Variants in ATP6V0A2 observed in about 807,000 individuals in gnomAD.
The protein encoded by ATP6V0A2 is V-type proton ATPase 116 kDa subunit a 2.
Under a neutral mutation model 104.4 loss-of-function variants are expected in ATP6V0A2, and 58 were observed. That is an observed-to-expected ratio of 0.56 (90% confidence interval 0.45 to 0.69). The LOEUF (loss-of-function observed/expected upper bound fraction) is 0.69. Among genes scored for constraint, ATP6V0A2 ranks in the 30% least tolerant of loss-of-function variants. The pLI, the probability that ATP6V0A2 is intolerant of heterozygous loss-of-function variation, is 0.00. For missense variants in ATP6V0A2, 938 were observed against 1,062.9 expected (o/e 0.88, Z 1.63); for synonymous variants, 376 against 397.9 (o/e 0.95, Z 0.65).
rs1413860725 is a variant in ATP6V0A2, at chr12:123,712,691, C to A, written c.117+9C>A. On this transcript the variant is annotated intron_variant, in intron 1 of 19. Transcript: ENST00000330342. ...TGGTCCAGTTCCGAGACGTGAGTGTCGCCCGGGAGACGCGGGCCGCACCTG... is the reference window on the plus strand; with the variant it reads ...TGGTCCAGTTCCGAGACGTGAGTGTAGCCCGGGAGACGCGGGCCGCACCTG... 4.4e-6 allele frequency: 7 copies of A among 1,604,920 alleles called. No individual in the cohort carries two copies. The highest frequency in any genetic ancestry group is 2.2e-5 in the East Asian group (1 of 44,712).
At chr12:123,721,026 C>A (rs1299532509) in intron 2 of ATP6V0A2, among the ~76,000 whole-genome samples, 3 of 152,148 alleles carry the variant, frequency 2.0e-5, no homozygotes, top group Admixed American at 6.5e-5. Flanking sequence ...CTGCCTCTCT[C>A]CCTCTGTAAA....
At chr12:123,746,308 T>C (rs962101086) in intron 13 of ATP6V0A2, among the ~76,000 whole-genome samples, 2 of 152,052 alleles carry the variant, frequency 1.3e-5, no homozygotes, top group Non-Finnish European at 2.9e-5. Context: ...CCAATGTGTG[T>C]ACGTTATACA....
In ATP6V0A2 at chr12:123,752,292, A is replaced by G; in HGVS notation, c.2065A>G (p.Thr689Ala). The change falls in exon 17 of 20, where the codon ACA (threonine) becomes GCA (alanine). Residue 689 changes from threonine to alanine, a missense_variant. Physicochemically the swap from Thr to Ala is moderately conservative, Grantham distance 58 (BLOSUM62 0). Coordinates refer to ENST00000330342, the MANE Select transcript of ATP6V0A2 (RefSeq NM_012463.4). ...SCFGVNRSGYTLIRKDSEEEV... is the reference protein window; with the variant it reads ...SCFGVNRSGYALIRKDSEEEV... Reference sequence around the variant, plus strand: ...CTCTTTTGGTTGTTAGAGTGGCTACACACTTATAAGGAAAGATAGTGAGGA... The same window carrying G: ...CTCTTTTGGTTGTTAGAGTGGCTACGCACTTATAAGGAAAGATAGTGAGGA... The G allele has an allele frequency of 6.2e-7, 1 of 1,614,192 alleles. No homozygotes were observed. The highest frequency in any genetic ancestry group is 8.5e-7 in the Non-Finnish European group (1 of 1,180,032).
At chr12:123,729,226 C>T (rs1204800965) in intron 6 of ATP6V0A2, among the ~76,000 whole-genome samples, 1 of 151,262 alleles carries the variant, frequency 6.6e-6, no homozygotes, top group East Asian at 1.9e-4. Context: ...ATGTTCCCAT[C>T]ACTTTTTGAG....
intron 8 of ATP6V0A2, 59 bp from the exon 9 acceptor site, chr12:123,737,000 A>G: frequency 1.3e-6 from 2 of 1,535,150 alleles, no homozygotes; most frequent in Non-Finnish European, 1.8e-6. Flanking sequence ...GTCGGGTGCC[A>G]GGTGGACAGA....
At chr12:123,716,605 A>C (rs1956341878) in intron 1 of ATP6V0A2, among the ~76,000 whole-genome samples, 1 of 151,970 alleles carries the variant, frequency 6.6e-6, no homozygotes, top group Admixed American at 6.6e-5. Flanking sequence ...AGCCTGAACA[A>C]CATGGCGAAA....
intron 19 of ATP6V0A2, 99 bp from the exon 20 acceptor site, chr12:123,757,828 A>G: frequency 1.3e-6 from 1 of 787,714 alleles, no homozygotes; most frequent in Non-Finnish European, 2.0e-6. Flanking sequence ...GGAATGAAGC[A>G]ATTTCAGCAC....
intron 7 of ATP6V0A2, among the ~76,000 whole-genome samples, chr12:123,735,142 C>CATGTGTGT (rs1555297418): frequency 2.7e-5 from 4 of 148,392 alleles, no homozygotes; most frequent in Non-Finnish European, 6.0e-5. Context: ...CTTTTGTTTT[C>CATGTGTGT]GTGTGTGTGT....
Position 123,712,486 on chromosome 12 carries a change from G to T in ATP6V0A2, c.-80G>T. Reference sequence around the variant, plus strand: ...ACAGGAAGAGCTCGAGGCCCGGGCCGCACCGGCTGAGTGTGCGGGCCCGCG... The same window carrying T: ...ACAGGAAGAGCTCGAGGCCCGGGCCTCACCGGCTGAGTGTGCGGGCCCGCG... On this transcript the variant is annotated 5_prime_UTR_variant, in exon 1 of 20. Transcript: ENST00000330342. 1 of 914,878 alleles carries T rather than the reference G, an allele frequency of 1.1e-6. No homozygotes were observed. The allele number at this position is 914,878 out of a possible 1,614,324, so 56.7% of individuals were successfully genotyped here. A position where few individuals can be genotyped will look rare whatever the true frequency, so the allele number is the denominator to read the frequency against.
intron 9 of ATP6V0A2, 119 bp downstream of exon 9, chr12:123,737,390 C>G (rs1401701760): frequency 1.0e-6 from 1 of 972,174 alleles, no homozygotes; most frequent in Admixed American, 2.0e-5. Flanking sequence ...TGTGTTGACT[C>G]TTCTTTTGTT....
chr12:123,712,962 G>A (rs1956307164), intron 1 of ATP6V0A2, among the ~76,000 whole-genome samples: 2 of 152,182 alleles, frequency 1.3e-5, no homozygotes, highest in Non-Finnish European at 1.5e-5. Context: ...AGCTCAGCGG[G>A]AGAACAAATC....
chr12:123,730,334 C>T (rs1426663809), intron 6 of ATP6V0A2, among the ~76,000 whole-genome samples: 1 of 151,986 alleles, frequency 6.6e-6, no homozygotes, highest in African/African-American at 2.4e-5. Flanking sequence ...GGATTACAGG[C>T]GTGAGCCACC....
chr12:123,739,488 T>C (rs1956587629), intron 9 of ATP6V0A2, among the ~76,000 whole-genome samples: 1 of 152,118 alleles, frequency 6.6e-6, no homozygotes, highest in South Asian at 2.1e-4. Context: ...TTTTTTTCTG[T>C]CGCCAAGATT....
rs1956784537 is a variant in ATP6V0A2, at chr12:123,758,516, AT to A, written c.*485del. On this transcript the variant is annotated 3_prime_UTR_variant, in exon 20 of 20. Coordinates refer to ENST00000330342, the MANE Select transcript of ATP6V0A2 (RefSeq NM_012463.4). ...CACATTTATTCTGCTGGATTTAAAA[AT>A]ATGTACTTTTTTTTTTTTTTTGAGA... 1 of 152,460 alleles carries A rather than the reference AT, an allele frequency of 6.6e-6. No individual in the cohort carries two copies. Among genetic ancestry groups the A allele is most frequent in the South Asian group, 2.1e-4 (1 of 4,842 alleles). The allele number at this position is 152,460 out of a possible 1,614,324, so 9.4% of individuals were successfully genotyped here.
intron 5 of ATP6V0A2, among the ~76,000 whole-genome samples, chr12:123,726,762 T>G (rs1305188722): frequency 6.6e-6 from 1 of 152,256 alleles, no homozygotes; most frequent in East Asian, 1.9e-4. Context: ...TCACAGTTCC[T>G]GATCTGAAGG....
chr12:123,746,096 A>G (rs1405727929), intron 13 of ATP6V0A2, among the ~76,000 whole-genome samples: 1 of 152,192 alleles, frequency 6.6e-6, no homozygotes, highest in Non-Finnish European at 1.5e-5. Context: ...TTTAAGATAC[A>G]GCATTTTGGA....
rs1371915885 is a variant in ATP6V0A2 at position 123,758,572 on chromosome 12, G to A, written c.*540G>A. Reference sequence around the variant, plus strand: ...GTCTTGCTGTGTCACGTAGGCTGGAGTGCAATGGCACGATCGTGTCTCATT... The same window carrying A: ...GTCTTGCTGTGTCACGTAGGCTGGAATGCAATGGCACGATCGTGTCTCATT... On this transcript the variant is annotated 3_prime_UTR_variant, in exon 20 of 20. Coordinates refer to ENST00000330342, the MANE Select transcript of ATP6V0A2 (RefSeq NM_012463.4). The A allele has an allele frequency of 2.6e-5, 4 of 151,578 alleles. 1 individual carries two copies. The East Asian group carries it at 7.7e-4, about 29-fold the overall frequency. 9.4% of individuals were successfully genotyped at this position (151,578 alleles called of 1,614,324 possible). A position where few individuals can be genotyped will look rare whatever the true frequency, so the allele number is the denominator to read the frequency against.
chr12:123,753,047 A>G (rs115245698), intron 17 of ATP6V0A2, among the ~76,000 whole-genome samples: 2,265 of 152,270 alleles, frequency 0.015, 46 homozygotes, highest in African/African-American at 0.052. Context: ...CTGCTGCCTC[A>G]GTCCCCTTTA....
intron 9 of ATP6V0A2, among the ~76,000 whole-genome samples, chr12:123,739,487 G>T (rs1186923694): frequency 6.6e-6 from 1 of 151,894 alleles, no homozygotes; most frequent in Non-Finnish European, 1.5e-5. Context: ...TTTTTTTTCT[G>T]TCGCCAAGAT....
Sources: gnomAD v4.1 joint callset for allele counts (sites outside exome capture counted in the v4.1 genomes callset) on GRCh38, gnomAD v4.1.1 for gene constraint, MANE v1.5 for transcripts, NCBI Gene and HGNC (gene_info 2026-07-23, HGNC 2026-07-21) for gene names.